The following RSU1 variants were observed in gnomAD, a reference collection of about 807,000 sequenced individuals.
RSU1 encodes rsu-1.
RSU1 carries 26 observed loss-of-function variants against 31.1 expected under a neutral mutation model. That is an observed-to-expected ratio of 0.84 (90% CI 0.61 to 1.16). The LOEUF is 1.16. Among genes scored for constraint, RSU1 ranks in the 50% most tolerant of loss-of-function variants. The pLI is 0.00. For missense variants in RSU1, 320 were observed against 339.1 expected (o/e 0.94, Z 0.44); for synonymous variants, 164 against 136.3 (o/e 1.20, Z -1.41).
intron 8 of RSU1, among the ~76,000 whole-genome samples, chr10:16,598,833 A>G (rs1833664758): frequency 6.6e-6 from 1 of 152,244 alleles, no homozygotes; most frequent in Non-Finnish European, 1.5e-5. Flanking sequence ...GAGAACTAAC[A>G]TAGTAGGTGA....
At chr10:16,654,166 C>G (rs1490885990) in intron 8 of RSU1, among the ~76,000 whole-genome samples, 1 of 151,592 alleles carries the variant, frequency 6.6e-6, no homozygotes, top group Non-Finnish European at 1.5e-5. Context: ...TCACGCCCAG[C>G]TAATTTTTGT....
chr10:16,640,066 C>T (rs1564295389), intron 8 of RSU1, among the ~76,000 whole-genome samples: 1 of 151,866 alleles, frequency 6.6e-6, no homozygotes, highest in Non-Finnish European at 1.5e-5. Flanking sequence ...TTTAGAAGTA[C>T]CCAATCTTTC....
chr10:16,689,561 G>A (rs778689432), intron 8 of RSU1, among the ~76,000 whole-genome samples: 30 of 152,168 alleles, frequency 2.0e-4, no homozygotes, highest in Admixed American at 2.0e-4. Context: ...AAAACAATGT[G>A]AAAAACAATA....
chr10:16,593,448 AT>A lies in RSU1; in HGVS notation c.779del (p.Asn260IlefsTer63), dbSNP rs1246162554. 1 of 1,613,948 alleles carries A rather than the reference AT, an allele frequency of 6.2e-7. No individual in the cohort carries two copies. The highest frequency in any genetic ancestry group is 1.3e-5 in the African/African-American group (1 of 74,880). On this transcript the variant is annotated frameshift_variant, in exon 9 of 9. Coordinates refer to ENST00000345264, the MANE Select transcript of RSU1 (RefSeq NM_012425.4). LOFTEE classifies it high-confidence loss of function. ...GGCTGATCTTTTTCGATTTGTCATT[AT>A]TCTTCTTCGGTGGTTCTGGGTTGGC... Reference protein sequence around the residue: ...MQANPEPPKKNNDKSKKISRK... With the variant: ...MQANPEPPKKXNDKSKKISRK...
chr10:16,733,853 T>C (rs762730055), intron 7 of RSU1, among the ~76,000 whole-genome samples: 32 of 152,244 alleles, frequency 2.1e-4, no homozygotes, highest in Non-Finnish European at 4.0e-4. Flanking sequence ...CAAGATGTTA[T>C]AAAGTTGGGC....
chr10:16,606,868 C>T (rs1439118312), intron 8 of RSU1, among the ~76,000 whole-genome samples: 1 of 152,186 alleles, frequency 6.6e-6, no homozygotes, highest in South Asian at 2.1e-4. Flanking sequence ...GATATTCCTC[C>T]TCCTCTCCCT....
chr10:16,639,830 C>A lies in RSU1; in HGVS notation c.732-46334G>T, dbSNP rs144471052. Reference sequence around the variant, plus strand: ...TGCCTGGAAATATTTACAGCAACACCGCAATTCAAGCGGACATTTGGTTTA... The same window carrying A: ...TGCCTGGAAATATTTACAGCAACACAGCAATTCAAGCGGACATTTGGTTTA... On this transcript the variant is annotated intron_variant, in intron 8 of 8. Transcript: ENST00000345264. Among the ~76,000 whole-genome samples, 3 of 152,258 alleles carry A rather than the reference C, an allele frequency of 2.0e-5. No individual in the cohort carries two copies. The East Asian group carries it at 5.8e-4, about 29-fold the overall frequency.
intron 8 of RSU1, among the ~76,000 whole-genome samples, chr10:16,617,419 T>A (rs1361242091): frequency 1.3e-5 from 2 of 152,148 alleles, no homozygotes; most frequent in African/African-American, 4.8e-5. Flanking sequence ...CCCAAAGTAA[T>A]CTATAGATTC....
At chr10:16,720,528 T>A (rs1588492023) in intron 7 of RSU1, among the ~76,000 whole-genome samples, 1 of 152,356 alleles carries the variant, frequency 6.6e-6, no homozygotes, top group Middle Eastern at 3.4e-3. Flanking sequence ...ATTTTATAGT[T>A]AAACTCAGGG....
At chr10:16,792,959 G>A (rs1013728412) in intron 2 of RSU1, among the ~76,000 whole-genome samples, 2 of 152,180 alleles carry the variant, frequency 1.3e-5, no homozygotes, top group African/African-American at 2.4e-5. Context: ...TGCCCATGTC[G>A]CATGGCTGAA....
chr10:16,781,373 G>C (rs887438693), intron 3 of RSU1, among the ~76,000 whole-genome samples: 1 of 152,148 alleles, frequency 6.6e-6, no homozygotes, highest in Non-Finnish European at 1.5e-5. Context: ...TTCTTTTGGG[G>C]AAGCCAGACT....
At chr10:16,615,006 C>T (rs147910735) in intron 8 of RSU1, among the ~76,000 whole-genome samples, 4 of 151,982 alleles carry the variant, frequency 2.6e-5, no homozygotes, top group African/African-American at 7.2e-5. Flanking sequence ...GCTAGCATCA[C>T]GATGGGATCA....
intron 4 of RSU1, among the ~76,000 whole-genome samples, chr10:16,762,600 C>T (rs1270514744): frequency 1.3e-5 from 2 of 151,912 alleles, no homozygotes; most frequent in East Asian, 3.9e-4. Context: ...TAAAGGCTGC[C>T]CATGGATCTC....
intron 8 of RSU1, among the ~76,000 whole-genome samples, chr10:16,651,577 T>C (rs1834684426): frequency 6.6e-6 from 1 of 152,180 alleles, no homozygotes; most frequent in Non-Finnish European, 1.5e-5. Flanking sequence ...TTTCTTTTGC[T>C]CCTCATAAAG....
chr10:16,793,844 C>G (rs1353931950), intron 2 of RSU1, among the ~76,000 whole-genome samples: 2 of 151,156 alleles, frequency 1.3e-5, no homozygotes, highest in Non-Finnish European at 2.9e-5. Flanking sequence ...GTCAACTTGA[C>G]TGGGCTACGA....
chr10:16,798,018 C>T (rs1838077994), intron 2 of RSU1, among the ~76,000 whole-genome samples: 1 of 151,960 alleles, frequency 6.6e-6, no homozygotes, highest in African/African-American at 2.4e-5. Context: ...CCCACCACCA[C>T]GCCCGGCTAA....
chr10:16,794,963 G>A (rs1837996920), intron 2 of RSU1, among the ~76,000 whole-genome samples: 1 of 152,140 alleles, frequency 6.6e-6, no homozygotes, highest in Non-Finnish European at 1.5e-5. Flanking sequence ...TCTTTAAAAT[G>A]AAACAAATAA....
rs1158005921 is a variant in RSU1, at chr10:16,590,699, A to G, written c.*2695T>C. On this transcript the variant is annotated 3_prime_UTR_variant, in exon 9 of 9. Coordinates refer to ENST00000345264, the MANE Select transcript of RSU1 (RefSeq NM_012425.4). ...AAAAAATTTAAGTACAGAATGAATAAGTAAAATTCTAGAAAGTCTTAGTTC... is the reference window on the plus strand; with the variant it reads ...AAAAAATTTAAGTACAGAATGAATAGGTAAAATTCTAGAAAGTCTTAGTTC... The G allele has an allele frequency of 1.3e-5, 2 of 152,248 alleles. No homozygotes were observed. The highest frequency in any genetic ancestry group is 4.8e-5 in the African/African-American group (2 of 41,460). The allele number at this position is 152,248 out of a possible 1,614,324, so 9.4% of individuals were successfully genotyped here.
intron 7 of RSU1, among the ~76,000 whole-genome samples, chr10:16,718,089 A>T (rs979878730): frequency 2.9e-5 from 3 of 103,210 alleles, no homozygotes; most frequent in African/African-American, 8.7e-5. Context: ...TCCAAAGCTC[A>T]ATTTATTTAA....
Sources: allele counts gnomAD v4.1 joint callset (sites outside exome capture counted in the v4.1 genomes callset), GRCh38; gene constraint gnomAD v4.1.1; transcripts MANE v1.5; gene names NCBI Gene and HGNC (gene_info 2026-07-23, HGNC 2026-07-21).